Variants in HECW2 observed in about 807,000 individuals in gnomAD.
The protein encoded by HECW2 is E3 ubiquitin-protein ligase HECW2.
In HECW2, 61 loss-of-function variants were observed where a neutral mutation model predicts 175.2. The ratio of observed to expected loss-of-function variants is 0.35; its 90% CI spans 0.28 to 0.43. The LOEUF (loss-of-function observed/expected upper bound fraction) is 0.43. Ranked by LOEUF, HECW2 falls within the 20% of genes least tolerant of loss-of-function variation. HECW2 has a pLI of 1.00. For synonymous variants in HECW2, 671 were observed against 731.0 expected, an observed-to-expected ratio of 0.92 and a Z score of 1.32; for missense variants, 1,524 against 2,000.5, an observed-to-expected ratio of 0.76 and a Z score of 4.54.
intron 2 of HECW2, among the ~76,000 whole-genome samples, chr2:196,428,577 C>T (rs1273313390): frequency 6.6e-6 from 1 of 152,098 alleles, no homozygotes; most frequent in African/African-American, 2.4e-5. Context: ...TTATTAATTA[C>T]TCATTTGAAA....
intron 1 of HECW2, among the ~76,000 whole-genome samples, chr2:196,491,373 C>T (rs60685710): frequency 0.041 from 4,437 of 107,304 alleles, 134 homozygotes; most frequent in African/African-American, 0.11. Context: ...TATATATACA[C>T]ACACACACAC....
chr2:196,296,505 C>T (rs1351948080), intron 13 of HECW2, among the ~76,000 whole-genome samples: 1 of 152,186 alleles, frequency 6.6e-6, no homozygotes, highest in Non-Finnish European at 1.5e-5. Flanking sequence ...CAAAATTGTT[C>T]ACCACTTTTA....
At chr2:196,324,065 T>C (rs1467240192) in intron 6 of HECW2, among the ~76,000 whole-genome samples, 2 of 152,106 alleles carry the variant, frequency 1.3e-5, no homozygotes, top group Non-Finnish European at 2.9e-5. Context: ...GATAACTATA[T>C]CTTTTCTGCA....
At chr2:196,375,992 A>G (rs916186133) in intron 2 of HECW2, among the ~76,000 whole-genome samples, 1 of 152,214 alleles carries the variant, frequency 6.6e-6, no homozygotes, top group Admixed American at 6.5e-5. Flanking sequence ...GTCAGGTCCA[A>G]TTCCCTCTAT....
chr2:196,459,491 T>TA (rs1481430458), intron 1 of HECW2, among the ~76,000 whole-genome samples: 3 of 151,912 alleles, frequency 2.0e-5, no homozygotes, highest in Non-Finnish European at 4.4e-5. Flanking sequence ...GACCCCCTGT[T>TA]AGCCAAGGGG....
intron 2 of HECW2, among the ~76,000 whole-genome samples, chr2:196,427,253 T>A (rs1468752524): frequency 6.6e-6 from 1 of 152,218 alleles, no homozygotes; most frequent in Non-Finnish European, 1.5e-5. Flanking sequence ...AGACCAGTAC[T>A]TTGAATAACT....
intron 14 of HECW2, among the ~76,000 whole-genome samples, chr2:196,282,522 T>G (rs1000096188): frequency 1.3e-5 from 2 of 152,018 alleles, no homozygotes; most frequent in Non-Finnish European, 2.9e-5. Context: ...GTTAGTTCAG[T>G]CTGGAAAGGC....
chr2:196,223,098 T>C (rs965893601), intron 23 of HECW2, among the ~76,000 whole-genome samples: 2 of 152,176 alleles, frequency 1.3e-5, no homozygotes, highest in Non-Finnish European at 2.9e-5. Flanking sequence ...GAACATTCAT[T>C]AGGCATCAAG....
At chr2:196,350,951 A>G (rs907894427) in intron 2 of HECW2, among the ~76,000 whole-genome samples, 1 of 152,200 alleles carries the variant, frequency 6.6e-6, no homozygotes, top group East Asian at 1.9e-4. Context: ...TAAGCCAGAC[A>G]TTGTTTCCTC....
chr2:196,543,353 T>A (rs1027421249), intron 1 of HECW2, among the ~76,000 whole-genome samples: 1 of 151,776 alleles, frequency 6.6e-6, no homozygotes, highest in East Asian at 1.9e-4. Context: ...ACATTCAAGA[T>A]ACATTTTAAA....
chr2:196,494,805 A>C (rs1687332411), intron 1 of HECW2, among the ~76,000 whole-genome samples: 1 of 152,196 alleles, frequency 6.6e-6, no homozygotes, highest in African/African-American at 2.4e-5. Context: ...AGCTTCCCAG[A>C]CGCAAGGTAT....
At chr2:196,507,228 C>T (rs1687797586) in intron 1 of HECW2, among the ~76,000 whole-genome samples, 1 of 152,198 alleles carries the variant, frequency 6.6e-6, no homozygotes, top group African/African-American at 2.4e-5. Context: ...GTATATTACA[C>T]ACATATAAAT....
chr2:196,246,481 T>G (rs1306466132), intron 19 of HECW2, among the ~76,000 whole-genome samples: 1 of 151,874 alleles, frequency 6.6e-6, no homozygotes, highest in African/African-American at 2.4e-5. Context: ...ACCTCCCGGG[T>G]TCATGCCATT....
At chr2:196,274,362 CTT>C (rs939322881) in intron 15 of HECW2, among the ~76,000 whole-genome samples, 1 of 152,160 alleles carries the variant, frequency 6.6e-6, no homozygotes, top group African/African-American at 2.4e-5. Context: ...GGCAGTGACT[CTT>C]TACCAAGTGG....
chr2:196,274,936 G>C (rs1182669253), intron 15 of HECW2, among the ~76,000 whole-genome samples: 1 of 152,180 alleles, frequency 6.6e-6, no homozygotes, highest in South Asian at 2.1e-4. Flanking sequence ...AGCAGTATAA[G>C]AGAGAATAAG....
intron 1 of HECW2, among the ~76,000 whole-genome samples, chr2:196,467,528 T>C (rs1033009052): frequency 6.6e-6 from 1 of 152,210 alleles, no homozygotes; most frequent in African/African-American, 2.4e-5. Context: ...CTTACAGTCA[T>C]TCATTCTAAT....
At chr2:196,412,415 C>T (rs2125229739) in intron 2 of HECW2, among the ~76,000 whole-genome samples, 1 of 152,260 alleles carries the variant, frequency 6.6e-6, no homozygotes, top group East Asian at 1.9e-4. Flanking sequence ...CAAATAAGAC[C>T]ACATTCTGAG....
rs148323748 is a variant in HECW2 at position 196,511,054 on chromosome 2, C to T, written c.-35-77596G>A. On this transcript the variant is annotated intron_variant, in intron 1 of 28. Coordinates refer to ENST00000644978, the MANE Select transcript of HECW2 (RefSeq NM_001348768.2). Reference sequence around the variant, plus strand: ...GATCTTGGCTCACAGCAACCTCTGCCTCCCAAGTTCAGGTGATCCATGCAC... The same window carrying T: ...GATCTTGGCTCACAGCAACCTCTGCTTCCCAAGTTCAGGTGATCCATGCAC... Among the ~76,000 whole-genome samples, 415 of 152,298 alleles carry T rather than the reference C, an allele frequency of 2.7e-3. 2 individuals carry two copies. Among genetic ancestry groups the T allele is most frequent in the African/African-American group, 9.2e-3 (384 of 41,554 alleles).
Position 196,318,626 on chromosome 2 carries a change from T to A in HECW2, c.2264A>T (p.Gln755Leu). 1 of 1,589,482 alleles carries A rather than the reference T, an allele frequency of 6.3e-7. No individual in the cohort carries two copies. The highest frequency in any genetic ancestry group is 8.6e-7 in the Non-Finnish European group (1 of 1,168,182). ...GAAAAAESPP[Q>L]EEGSAGEAQG... ...GGCCTCCCCAGCACTGCCTTCTTCT[T>A]GCGGTGGGCTCTCGGCAGCAGCTGC... The change falls in exon 9 of 29, where the codon CAA (glutamine) becomes CTA (leucine). Residue 755 changes from glutamine to leucine, a missense_variant. This residue lies in a region of HECW2 where 604 missense variants were observed against 588.3 expected (regional missense o/e 1.03). Coordinates refer to ENST00000644978, the MANE Select transcript of HECW2 (RefSeq NM_001348768.2).
Sources: allele counts gnomAD v4.1 joint callset (sites outside exome capture counted in the v4.1 genomes callset), GRCh38; gene constraint gnomAD v4.1.1; regional missense constraint gnomAD v4.1.1; transcripts MANE v1.5; gene names NCBI Gene and HGNC (gene_info 2026-07-23, HGNC 2026-07-21).